Variants in DLG2 observed in about 807,000 individuals in gnomAD.
DLG2 encodes the protein discs large MAGUK scaffold protein 2, also known as disks large homolog 2.
In DLG2, 45 loss-of-function variants were observed where a neutral mutation model predicts 132.5. That is an observed-to-expected ratio of 0.34 (90% confidence interval 0.27 to 0.44). The LOEUF (loss-of-function observed/expected upper bound fraction) is 0.44, where lower values mean the gene tolerates loss of function less well. DLG2 is among the 20% of genes least tolerant of loss of function. The pLI, the probability that DLG2 is intolerant of heterozygous loss-of-function variation, is 1.00. For missense variants in DLG2, 1,045 were observed against 1,196.9 expected, an observed-to-expected ratio of 0.87 and a Z score of 1.87; for synonymous variants, 424 against 419.6, an observed-to-expected ratio of 1.01 and a Z score of -0.13.
intron 9 of DLG2, among the ~76,000 whole-genome samples, chr11:84,119,251 C>T (rs756131603): frequency 6.6e-6 from 1 of 151,954 alleles, no homozygotes; most frequent in African/African-American, 2.4e-5. Context: ...GAGATAAAAC[C>T]TTATTACCCA....
Position 84,018,205 on chromosome 11 carries a change from T to C in DLG2, c.920-37563A>G, listed in dbSNP as rs543831828. On this transcript the variant is annotated intron_variant, in intron 11 of 27. Transcript: ENST00000376104. Reference sequence around the variant, plus strand: ...GATATATTAAACTGCTAGGTATTACTGTACAGGTCACTGAAGCTCTGTTCA... The same window carrying C: ...GATATATTAAACTGCTAGGTATTACCGTACAGGTCACTGAAGCTCTGTTCA... Among the ~76,000 whole-genome samples the C allele has an allele frequency of 5.3e-5, 8 of 152,128 alleles. No individual in the cohort carries two copies. In the East Asian group the frequency reaches 1.2e-3, roughly 22 times the overall value.
intron 6 of DLG2, among the ~76,000 whole-genome samples, chr11:84,698,792 G>GTT (rs56721488): frequency 4.0e-5 from 6 of 151,030 alleles, no homozygotes; most frequent in African/African-American, 1.5e-4. Context: ...ATACTGTTGC[G>GTT]TTTTTTTTGT....
At chr11:84,903,159 G>A (rs944540283) in intron 6 of DLG2, among the ~76,000 whole-genome samples, 4 of 152,012 alleles carry the variant, frequency 2.6e-5, no homozygotes, top group African/African-American at 9.7e-5. Flanking sequence ...AAATTAAACT[G>A]GTGATACTAT....
At chr11:83,949,178 C>T (rs1423696063) in intron 14 of DLG2, among the ~76,000 whole-genome samples, 1 of 152,036 alleles carries the variant, frequency 6.6e-6, no homozygotes, top group Non-Finnish European at 1.5e-5. Flanking sequence ...TTTAAAAGCA[C>T]TGTAGAAACC....
chr11:85,074,564 A>G (rs1305538125), intron 6 of DLG2, among the ~76,000 whole-genome samples: 1 of 151,886 alleles, frequency 6.6e-6, no homozygotes, highest in South Asian at 2.1e-4. Flanking sequence ...TTATCTGTAA[A>G]AACTTGGGCC....
chr11:85,465,003 G>A (rs2092733849), intron 3 of DLG2, among the ~76,000 whole-genome samples: 1 of 139,478 alleles, frequency 7.2e-6, no homozygotes, highest in African/African-American at 2.7e-5. Flanking sequence ...GAACCTAGGA[G>A]GTGGAGGTTG....
chr11:85,058,313 T>C (rs902764500), intron 6 of DLG2, among the ~76,000 whole-genome samples: 7 of 151,514 alleles, frequency 4.6e-5, no homozygotes, highest in Non-Finnish European at 8.9e-5. Context: ...ATATAGCACC[T>C]CTGAACGAGT....
intron 3 of DLG2, among the ~76,000 whole-genome samples, chr11:85,506,638 T>C (rs2093941052): frequency 6.6e-6 from 1 of 152,232 alleles, no homozygotes; most frequent in Non-Finnish European, 1.5e-5. Context: ...TACTTCCAAC[T>C]ATGTGGTTAA....
chr11:83,857,521 C>A (rs2060726097), intron 16 of DLG2, among the ~76,000 whole-genome samples: 1 of 152,058 alleles, frequency 6.6e-6, no homozygotes, highest in African/African-American at 2.4e-5. Context: ...AAGATCATCC[C>A]CAAGACACAT....
intron 3 of DLG2, among the ~76,000 whole-genome samples, chr11:85,355,141 G>T (rs977707178): frequency 2.6e-5 from 4 of 152,034 alleles, no homozygotes; most frequent in African/African-American, 7.2e-5. Flanking sequence ...ATACTAAATA[G>T]TTCAGTGCTC....
intron 6 of DLG2, among the ~76,000 whole-genome samples, chr11:84,549,169 G>C (rs1167802290): frequency 2.6e-5 from 4 of 152,176 alleles, no homozygotes; most frequent in African/African-American, 7.2e-5. Flanking sequence ...GGGATGTGCC[G>C]GGAATAAATT....
chr11:85,028,171 A>G (rs1248428952), intron 6 of DLG2, among the ~76,000 whole-genome samples: 1 of 152,148 alleles, frequency 6.6e-6, no homozygotes, highest in Non-Finnish European at 1.5e-5. Flanking sequence ...TTGTCCTGAC[A>G]AGACAACAGC....
intron 2 of DLG2, among the ~76,000 whole-genome samples, chr11:85,619,014 G>A (rs898203716): frequency 3.0e-4 from 46 of 152,200 alleles, no homozygotes; most frequent in African/African-American, 8.7e-4. Context: ...TTATCTCTAC[G>A]TCTTCCTCAC....
At chr11:84,330,078 C>T (rs1348006716) in intron 7 of DLG2, among the ~76,000 whole-genome samples, 1 of 152,042 alleles carries the variant, frequency 6.6e-6, no homozygotes, top group Non-Finnish European at 1.5e-5. Flanking sequence ...AGCACATTAC[C>T]TGGCACATAA....
intron 7 of DLG2, among the ~76,000 whole-genome samples, chr11:84,277,766 T>G: frequency 6.6e-6 from 1 of 152,116 alleles, no homozygotes; most frequent in East Asian, 1.9e-4. Flanking sequence ...GCTGGTTCTT[T>G]GAGAATATCA....
intron 7 of DLG2, among the ~76,000 whole-genome samples, chr11:84,328,736 AAT>A (rs1375520461): frequency 6.6e-6 from 1 of 152,196 alleles, no homozygotes; most frequent in African/African-American, 2.4e-5. Context: ...GGTATGGACT[AAT>A]ATAAATTACA....
chr11:84,774,027 A>G (rs1163657551), intron 6 of DLG2, among the ~76,000 whole-genome samples: 1 of 152,148 alleles, frequency 6.6e-6, no homozygotes, highest in East Asian at 1.9e-4. Context: ...ATTTTATCCC[A>G]GGAATACCCT....
intron 3 of DLG2, among the ~76,000 whole-genome samples, chr11:85,393,629 ATGTGTG>A (rs35765389): frequency 1.8e-4 from 26 of 143,720 alleles, no homozygotes; most frequent in South Asian, 2.2e-4. Flanking sequence ...TGGTATGCAT[ATGTGTG>A]TGTGTGTGTG....
At chr11:84,371,082 G>T (rs1367778123) in intron 7 of DLG2, among the ~76,000 whole-genome samples, 1 of 152,082 alleles carries the variant, frequency 6.6e-6, no homozygotes, top group Non-Finnish European at 1.5e-5. Context: ...AAAGAGGTCA[G>T]TGAGATGTGA....
Sources: allele counts gnomAD v4.1 joint callset (sites outside exome capture counted in the v4.1 genomes callset), GRCh38; gene constraint gnomAD v4.1.1; transcripts MANE v1.5; gene names NCBI Gene and HGNC (gene_info 2026-07-23, HGNC 2026-07-21).